CFAP299: variants seen among roughly 807,000 people sequenced by gnomAD.
The protein encoded by CFAP299 is cilia and flagella associated protein 299.
A neutral mutation model predicts 27.0 loss-of-function variants in CFAP299; 21 were observed. That is an observed-to-expected ratio of 0.78 (90% confidence interval 0.55 to 1.12). The LOEUF (loss-of-function observed/expected upper bound fraction) is 1.12, where lower values mean the gene tolerates loss of function less well. Among genes scored for constraint, CFAP299 ranks in the 50% most tolerant of loss-of-function variants. The probability of loss-of-function intolerance (pLI) is 0.00; values close to 1 mark genes in which losing one functional copy is unlikely to be tolerated. For missense variants in CFAP299, 310 were observed against 276.6 expected, an observed-to-expected ratio of 1.12 and a Z score of -0.86; for synonymous variants, 104 against 98.1, an observed-to-expected ratio of 1.06 and a Z score of -0.36.
intron 3 of CFAP299, among the ~76,000 whole-genome samples, chr4:80,584,620 A>G (rs1386694013): frequency 6.6e-6 from 1 of 151,858 alleles, no homozygotes; most frequent in Non-Finnish European, 1.5e-5. Flanking sequence ...TTTTAACTCA[A>G]TCTCTTTCTT....
intron 3 of CFAP299, among the ~76,000 whole-genome samples, chr4:80,734,484 G>T (rs987000281): frequency 5.9e-5 from 9 of 151,986 alleles, no homozygotes; most frequent in African/African-American, 2.2e-4. Flanking sequence ...GATCCCGTTT[G>T]CCCATTTTTG....
chr4:80,861,335 C>T (rs183263220), intron 3 of CFAP299, among the ~76,000 whole-genome samples: 115 of 152,230 alleles, frequency 7.6e-4, no homozygotes, highest in Middle Eastern at 3.4e-3. Flanking sequence ...TGACTAGGAA[C>T]GGGAACTCCC....
chr4:80,808,042 A>G (rs905199293), intron 3 of CFAP299, among the ~76,000 whole-genome samples: 10 of 151,398 alleles, frequency 6.6e-5, no homozygotes, highest in African/African-American at 2.2e-4. Flanking sequence ...AAAAAAAAAC[A>G]AAGGGGAAAT....
chr4:80,327,984 C>A, the CFAP299 span, among the ~76,000 whole-genome samples: 1 of 151,738 alleles, frequency 6.6e-6, no homozygotes, highest in Non-Finnish European at 1.5e-5. Flanking sequence ...GAATGACCAG[C>A]AAGCTGTGCT....
chr4:80,546,187 A>C (rs188794159), intron 2 of CFAP299, among the ~76,000 whole-genome samples: 8 of 152,286 alleles, frequency 5.3e-5, no homozygotes, highest in Admixed American at 3.3e-4. Context: ...GAACTGGAGC[A>C]TGACAAGGAT....
At chr4:80,606,830 A>AG (rs1737703810) in intron 3 of CFAP299, among the ~76,000 whole-genome samples, 1 of 149,164 alleles carries the variant, frequency 6.7e-6, no homozygotes, top group African/African-American at 2.5e-5. Flanking sequence ...ATGCTTTTTA[A>AG]AAAAAAATTT....
intron 4 of CFAP299, among the ~76,000 whole-genome samples, chr4:80,881,977 GC>G (rs1224539958): frequency 6.6e-6 from 1 of 151,984 alleles, no homozygotes; most frequent in Non-Finnish European, 1.5e-5. Flanking sequence ...TTTACTAGAG[GC>G]CTCAACAGCA....
chr4:80,779,396 C>G (rs1203491396), intron 3 of CFAP299, among the ~76,000 whole-genome samples: 1 of 152,074 alleles, frequency 6.6e-6, no homozygotes, highest in Non-Finnish European at 1.5e-5. Flanking sequence ...CAGCCCCTAC[C>G]TAGCAATGTA....
intron 3 of CFAP299, among the ~76,000 whole-genome samples, chr4:80,807,942 C>A (rs1421979765): frequency 6.6e-6 from 1 of 151,722 alleles, no homozygotes; most frequent in Non-Finnish European, 1.5e-5. Context: ...CTTAAAGTAA[C>A]TCTACATGCA....
intron 5 of CFAP299, among the ~76,000 whole-genome samples, chr4:80,949,083 C>T (rs55763886): frequency 0.81 from 123,668 of 152,066 alleles, 51,106 homozygotes; most frequent in Non-Finnish European, 0.9. Flanking sequence ...TAAACTATCT[C>T]AAATTAAGAT....
chr4:80,327,690 T>TTTTATATATATATATATATA, the CFAP299 span, among the ~76,000 whole-genome samples: 58 of 51,216 alleles, frequency 1.1e-3, no homozygotes, highest in South Asian at 7.4e-3. Flanking sequence ...TAGAGAGAAG[T>TTTTATATATATATATATATA]TATATATATA....
Position 80,798,417 on chromosome 4 carries a change from A to G in CFAP299, c.334-71576A>G, listed in dbSNP as rs926306847. Among the ~76,000 whole-genome samples the G allele has an allele frequency of 5.9e-5, 9 of 152,258 alleles. No homozygotes were observed. In the South Asian group the frequency reaches 1.9e-3, roughly 32 times the overall value. ...TGGCAAAAAATGTTCACCAGAGTTT[A>G]CAAACTCAGTGCCCCGAGATTCATC... On this transcript the variant is annotated intron_variant, in intron 3 of 5. Coordinates refer to ENST00000358105, the MANE Select transcript of CFAP299 (RefSeq NM_152770.3).
At chr4:80,690,719 C>T (rs987234618) in intron 3 of CFAP299, among the ~76,000 whole-genome samples, 2 of 152,048 alleles carry the variant, frequency 1.3e-5, no homozygotes, top group Non-Finnish European at 2.9e-5. Flanking sequence ...GAAATAGAGA[C>T]ACAAAAAACC....
chr4:80,395,507 A>G (rs547510004), intron 2 of CFAP299, among the ~76,000 whole-genome samples: 8 of 152,204 alleles, frequency 5.3e-5, no homozygotes, highest in African/African-American at 1.4e-4. Context: ...CTTTTCACCA[A>G]TGGATGTGAT....
chr4:80,501,801 G>A (rs976268762), intron 2 of CFAP299, among the ~76,000 whole-genome samples: 53 of 151,564 alleles, frequency 3.5e-4, no homozygotes, highest in African/African-American at 1.2e-3. Flanking sequence ...GGAAAACAAA[G>A]CATACAAAGT....
chr4:80,901,257 G>A (rs757991748), intron 4 of CFAP299, among the ~76,000 whole-genome samples: 6 of 152,036 alleles, frequency 3.9e-5, no homozygotes, highest in Admixed American at 1.3e-4. Context: ...ACTAGAACAC[G>A]CATGTGCACA....
chr4:80,403,597 T>A (rs1325402818), intron 2 of CFAP299, among the ~76,000 whole-genome samples: 1 of 152,158 alleles, frequency 6.6e-6, no homozygotes, highest in African/African-American at 2.4e-5. Context: ...GTCATTCTGA[T>A]TTTAGTTCAT....
intron 3 of CFAP299, among the ~76,000 whole-genome samples, chr4:80,805,074 T>A (rs1340337017): frequency 6.6e-6 from 1 of 152,112 alleles, no homozygotes; most frequent in Non-Finnish European, 1.5e-5. Flanking sequence ...ATTAAATGCA[T>A]TATTATAATT....
intron 3 of CFAP299, among the ~76,000 whole-genome samples, chr4:80,815,305 A>G (rs1025180794): frequency 6.6e-6 from 1 of 151,944 alleles, no homozygotes; most frequent in Non-Finnish European, 1.5e-5. Flanking sequence ...TGAGATATGT[A>G]TATATATATT....
Sources: gnomAD v4.1 joint callset for allele counts (sites outside exome capture counted in the v4.1 genomes callset) on GRCh38, gnomAD v4.1.1 for gene constraint, MANE v1.5 for transcripts, NCBI Gene and HGNC (gene_info 2026-07-23, HGNC 2026-07-21) for gene names.